MYH10: variants seen among roughly 807,000 people sequenced by gnomAD.
The protein encoded by MYH10 is myosin heavy chain 10, also known as myosin-10.
In MYH10, 55 loss-of-function variants were observed where a neutral mutation model predicts 257.8. The observed-to-expected ratio is 0.21, with a 90% confidence interval of 0.17 to 0.27. The LOEUF (loss-of-function observed/expected upper bound fraction) is 0.27, where lower values mean the gene tolerates loss of function less well. Ranked by LOEUF, MYH10 falls within the 10% of genes least tolerant of loss-of-function variation. The pLI is 1.00. For missense variants in MYH10, 1,631 were observed against 2,500.6 expected (o/e 0.65, Z 7.42); for synonymous variants, 854 against 921.7 (o/e 0.93, Z 1.33).
In MYH10 at chr17:8,495,169, C is replaced by A. The variant is rs1432747048; in HGVS notation, c.4024G>T (p.Ala1342Ser). 1 of 1,612,710 alleles carries A rather than the reference C, an allele frequency of 6.2e-7. No individual in the cohort carries two copies. The highest frequency in any genetic ancestry group is 2.2e-5 in the East Asian group (1 of 44,888). ...TCCTGTAGTTGAGACTCAAGACTAGCTGCATCCTTAGCAAATTTAATACCC... is the reference window on the plus strand; with the variant it reads ...TCCTGTAGTTGAGACTCAAGACTAGATGCATCCTTAGCAAATTTAATACCC... Reference protein sequence around the residue: ...KKGIKFAKDAASLESQLQDTQ... With the variant: ...KKGIKFAKDASSLESQLQDTQ... Residue 1342 changes from alanine (A) to serine (S), a missense_variant, in exon 31 of 43, where the codon GCT becomes TCT. Ala to Ser is a moderately conservative substitution (Grantham distance 99, BLOSUM62 1). Around this residue, in one of 11 missense-constraint regions of MYH10, gnomAD observed 463 missense variants for 621.8 expected, o/e 0.74. Transcript: ENST00000360416.
chr17:8,587,184 T>C (rs2083941225), intron 4 of MYH10, among the ~76,000 whole-genome samples: 2 of 152,098 alleles, frequency 1.3e-5, no homozygotes, highest in Admixed American at 6.6e-5. Flanking sequence ...CAGTTGTCCG[T>C]AGACGCAGCA....
intron 3 of MYH10, among the ~76,000 whole-genome samples, chr17:8,601,372 G>A (rs770734659): frequency 2.6e-5 from 4 of 152,198 alleles, no homozygotes; most frequent in Non-Finnish European, 4.4e-5. Flanking sequence ...TGAGAAGCCC[G>A]ATGCTACTGA....
intron 2 of MYH10, among the ~76,000 whole-genome samples, chr17:8,610,293 G>T (rs946235404): frequency 4.8e-4 from 9 of 18,572 alleles, no homozygotes; most frequent in East Asian, 2.4e-3. Context: ...AAAAAAAAAA[G>T]GGTTGGGGGA....
At chr17:8,601,318 C>G (rs375416368) in intron 3 of MYH10, among the ~76,000 whole-genome samples, 1 of 152,242 alleles carries the variant, frequency 6.6e-6, no homozygotes, top group South Asian at 2.1e-4. Flanking sequence ...AAGGTAGAGG[C>G]CTCGGTGTTC....
rs1432686373 is a variant in MYH10 at position 8,508,693 on chromosome 17, T to A, written c.3091-16A>T. ...GTTTCTTTTCCTGGACAGGAAAAATTGACTGCTTCAGAAAAGCCATTCAGA... is the reference window on the plus strand; with the variant it reads ...GTTTCTTTTCCTGGACAGGAAAAATAGACTGCTTCAGAAAAGCCATTCAGA... On this transcript the variant is annotated splice_polypyrimidine_tract_variant and intron_variant, in intron 25 of 42. Transcript: ENST00000360416. The A allele has an allele frequency of 6.2e-7, 1 of 1,613,140 alleles. No individual in the cohort carries two copies. Among genetic ancestry groups the A allele is most frequent in the Admixed American group, 1.7e-5 (1 of 59,964 alleles).
At chr17:8,481,227 C>T in intron 38 of MYH10, 95 bp downstream of exon 38, 1 of 1,284,484 alleles carries the variant, frequency 7.8e-7, no homozygotes, top group Non-Finnish European at 1.1e-6. Flanking sequence ...AGGAGCAAAC[C>T]ACCCGCTGAT....
intron 21 of MYH10, among the ~76,000 whole-genome samples, 182 bp downstream of exon 21, chr17:8,518,449 G>C (rs536350911): frequency 2.0e-5 from 3 of 152,122 alleles, no homozygotes; most frequent in African/African-American, 7.2e-5. Context: ...GTGTGTTTTT[G>C]TATTGCAACA....
intron 7 of MYH10, among the ~76,000 whole-genome samples, chr17:8,564,363 TA>T (rs2083093232): frequency 6.6e-6 from 1 of 152,202 alleles, no homozygotes; most frequent in African/African-American, 2.4e-5. Flanking sequence ...TTTCACTGTA[TA>T]CACAACTCAT....
intron 7 of MYH10, chr17:8,554,380 A>G (rs1226725748): frequency 6.5e-6 from 1 of 153,360 alleles, no homozygotes; most frequent in African/African-American, 2.4e-5. Flanking sequence ...AGATTTAAAA[A>G]TCTGAATAGT....
At chr17:8,543,117 C>T (rs971029145) in intron 13 of MYH10, among the ~76,000 whole-genome samples, 1 of 152,166 alleles carries the variant, frequency 6.6e-6, no homozygotes, top group African/African-American at 2.4e-5. Context: ...CAACCTCTTT[C>T]CTGCTTCTAT....
At chr17:8,478,229 A>G in intron 41 of MYH10, 109 bp downstream of exon 41, 1 of 932,868 alleles carries the variant, frequency 1.1e-6, no homozygotes, top group Middle Eastern at 2.9e-4. Flanking sequence ...GTTAGCTGAA[A>G]CATCAGAATC....
At position 8,535,544 on chromosome 17, in the gene MYH10, A is replaced by C; in HGVS notation, c.1780-43T>G. 6.6e-7 allele frequency: 1 copy of C among 1,525,292 alleles called. No individual in the cohort carries two copies. Among genetic ancestry groups the C allele is most frequent in the Non-Finnish European group, 9.0e-7 (1 of 1,115,986 alleles). 94.5% of individuals were successfully genotyped at this position (1,525,292 alleles called of 1,614,324 possible). ...CAAAAGTGGTGAAATGGAGAACACA[A>C]AACCAAATGCAAAAACAAAAACACT... On this transcript the variant is annotated intron_variant, in intron 15 of 42. Coordinates refer to ENST00000360416, the MANE Select transcript of MYH10 (RefSeq NM_001256012.3). The surrounding 1 kb of genome is among the most constrained non-coding windows in gnomAD (Gnocchi z 4.3).
At chr17:8,508,738 AT>A (rs2081159770) in intron 25 of MYH10, 61 bp from the exon 26 acceptor site, 1 of 1,598,180 alleles carries the variant, frequency 6.3e-7, no homozygotes, top group Admixed American at 1.7e-5. Flanking sequence ...TGGGTTCTGT[AT>A]TCCTCATAAA....
chr17:8,484,461 C>G (rs1914416580), intron 36 of MYH10, among the ~76,000 whole-genome samples, 195 bp from the exon 37 acceptor site: 1 of 151,942 alleles, frequency 6.6e-6, no homozygotes, highest in South Asian at 2.1e-4. Flanking sequence ...TATTTTTTTT[C>G]TAGATTATAA....
intron 32 of MYH10, among the ~76,000 whole-genome samples, chr17:8,493,255 G>C (rs377052336): frequency 6.6e-6 from 1 of 151,656 alleles, no homozygotes; most frequent in East Asian, 1.9e-4. Context: ...CAGGTGGGAG[G>C]ATCACTTGAG....
chr17:8,551,221 A>G (rs1459167074), intron 9 of MYH10, among the ~76,000 whole-genome samples: 1 of 151,198 alleles, frequency 6.6e-6, no homozygotes, highest in East Asian at 1.9e-4. Context: ...AAGCCTGAGC[A>G]TTTTCTTCTC....
At position 8,477,831 on chromosome 17, in the gene MYH10, C is replaced by G. The variant is rs1181054422; in HGVS notation, c.5706+507G>C. ...CTGCCCACGCTGCAATCAGGGCAGG[C>G]CTGACCCACAGTTCAAAGTCCTGCG... On this transcript the variant is annotated intron_variant, in intron 41 of 42. Transcript: ENST00000360416. This position sits in a 1 kb window ranked among gnomAD's most constrained non-coding sequence, Gnocchi z 4.2. 6.6e-6 allele frequency among the ~76,000 whole-genome samples: 1 copy of G among 152,206 alleles called. No individual in the cohort carries two copies. The highest frequency in any genetic ancestry group is 1.5e-5 in the Non-Finnish European group (1 of 68,042).
chr17:8,529,879 T>C (rs1054189331), intron 17 of MYH10, among the ~76,000 whole-genome samples: 1 of 152,188 alleles, frequency 6.6e-6, no homozygotes, highest in Non-Finnish European at 1.5e-5. Context: ...ATATTGGGCT[T>C]TTGGAGACTC....
chr17:8,493,079 G>A (rs546617345), intron 32 of MYH10, 55 bp from the exon 33 acceptor site: 80 of 1,569,680 alleles, frequency 5.1e-5, no homozygotes, highest in Middle Eastern at 1.7e-4. Flanking sequence ...CTCAATTGGG[G>A]CCAGGCATGG....
Sources: gnomAD v4.1 joint callset for allele counts (sites outside exome capture counted in the v4.1 genomes callset) on GRCh38, gnomAD v4.1.1 for gene constraint, gnomAD v4.1.1 regional missense constraint, Gnocchi (gnomAD v3.1) non-coding constraint, MANE v1.5 for transcripts, NCBI Gene and HGNC (gene_info 2026-07-23, HGNC 2026-07-21) for gene names.